Variants in KLKB1 observed in about 807,000 individuals in gnomAD.
KLKB1 encodes plasma kallikrein.
A neutral mutation model predicts 73.6 loss-of-function variants in KLKB1; 58 were observed. The ratio of observed to expected loss-of-function variants is 0.79; its 90% CI spans 0.64 to 0.98. The LOEUF (loss-of-function observed/expected upper bound fraction) is 0.98, where lower values mean the gene tolerates loss of function less well. KLKB1 is among the 50% of genes least tolerant of loss of function. KLKB1 has a pLI of 0.00. For missense variants in KLKB1, 737 were observed against 763.8 expected (o/e 0.96, Z 0.41); for synonymous variants, 280 against 258.1 (o/e 1.08, Z -0.81).
chr4:186,231,540 A>G (rs752888635), intron 2 of KLKB1, among the ~76,000 whole-genome samples: 94 of 152,268 alleles, frequency 6.2e-4, no homozygotes, highest in Non-Finnish European at 1.0e-3. Context: ...GAGATGAGGA[A>G]CAATGTTTAG....
intron 11 of KLKB1, among the ~76,000 whole-genome samples, chr4:186,253,373 G>A (rs1187032824): frequency 6.6e-6 from 1 of 152,138 alleles, no homozygotes; most frequent in Non-Finnish European, 1.5e-5. Flanking sequence ...TGGTACATGT[G>A]GGTGGAGCAA....
chr4:186,250,946 G>T, intron 7 of KLKB1: 1 of 448,562 alleles, frequency 2.2e-6, no homozygotes, highest in Non-Finnish European at 4.0e-6. Context: ...TGATTTTTTT[G>T]TTTGTTTTTC....
At chr4:186,232,400 C>T in intron 3 of KLKB1, 111 bp downstream of exon 3, 1 of 986,094 alleles carries the variant, frequency 1.0e-6, no homozygotes, top group Non-Finnish European at 1.6e-6. Context: ...GTTCAAGGAC[C>T]AGCTTCAGCA....
At chr4:186,249,924 G>A (rs1373627331) in intron 6 of KLKB1, among the ~76,000 whole-genome samples, 3 of 152,014 alleles carry the variant, frequency 2.0e-5, no homozygotes, top group Non-Finnish European at 2.9e-5. Flanking sequence ...ACATTCCTAA[G>A]GCCTCAGAGT....
chr4:186,218,499 CT>C (rs1478429174), intron 2 of KLKB1, among the ~76,000 whole-genome samples: 6 of 151,950 alleles, frequency 3.9e-5, no homozygotes, highest in East Asian at 1.9e-4. Context: ...ATTTTTCTAC[CT>C]TTTTTTATGT....
At chr4:186,214,589 C>T (rs1459047550) in intron 2 of KLKB1, among the ~76,000 whole-genome samples, 1 of 152,206 alleles carries the variant, frequency 6.6e-6, no homozygotes, top group Non-Finnish European at 1.5e-5. Context: ...GTTAAAGTTA[C>T]ACTGCATTGT....
At chr4:186,238,490 A>T in intron 6 of KLKB1, 125 bp downstream of exon 6, 3 of 743,772 alleles carry the variant, frequency 4.0e-6, no homozygotes, top group Non-Finnish European at 7.4e-6. Context: ...GTTTCTGTCA[A>T]TGGCATGCAG....
intron 5 of KLKB1, among the ~76,000 whole-genome samples, chr4:186,237,291 G>A (rs1350518731): frequency 1.3e-5 from 2 of 152,030 alleles, no homozygotes; most frequent in Admixed American, 6.6e-5. Flanking sequence ...TAGAGTCGGG[G>A]TTTTACTATG....
chr4:186,247,253 G>A lies in KLKB1; in HGVS notation c.599-2990G>A, dbSNP rs138829486. On this transcript the variant is annotated intron_variant, in intron 6 of 14. Coordinates refer to ENST00000264690, the MANE Select transcript of KLKB1 (RefSeq NM_000892.5). ...TCCATGCGAAGAGACCACCAAACAG[G>A]CTTTGTGTGAGCAAGAAAGCTTTTT... Among the ~76,000 whole-genome samples, 34 of 152,262 alleles carry A rather than the reference G, an allele frequency of 2.2e-4. No homozygotes were observed. The East Asian group carries it at 6.2e-3, about 28-fold the overall frequency.
At chr4:186,233,522 C>CT (rs1737503662) in intron 3 of KLKB1, among the ~76,000 whole-genome samples, 1 of 152,166 alleles carries the variant, frequency 6.6e-6, no homozygotes, top group African/African-American at 2.4e-5. Flanking sequence ...AGGTGGACAT[C>CT]TAAGACAGAG....
intron 2 of KLKB1, among the ~76,000 whole-genome samples, chr4:186,214,577 A>G (rs1412740699): frequency 3.9e-5 from 6 of 152,214 alleles, no homozygotes; most frequent in Non-Finnish European, 5.9e-5. Context: ...GATAGTAGGA[A>G]AGTTAAAGTT....
chr4:186,229,951 C>G (rs533776669), intron 2 of KLKB1, among the ~76,000 whole-genome samples: 1 of 150,122 alleles, frequency 6.7e-6, no homozygotes, highest in African/African-American at 2.4e-5. Flanking sequence ...TTTTTTTTTT[C>G]CAATTTGACT....
upstream of KLKB1, among the ~76,000 whole-genome samples, chr4:186,225,500 C>T (rs933161719): frequency 1.0e-4 from 15 of 147,478 alleles, no homozygotes; most frequent in South Asian, 4.3e-4. Flanking sequence ...GGCGCAATCT[C>T]GGCTCACTGC....
At chr4:186,248,028 A>T (rs4253293) in intron 6 of KLKB1, among the ~76,000 whole-genome samples, 73 of 152,214 alleles carry the variant, frequency 4.8e-4, no homozygotes, top group Middle Eastern at 3.4e-3. Context: ...CGGGCGGATC[A>T]CGGGGTCAGG....
intron 2 of KLKB1, among the ~76,000 whole-genome samples, chr4:186,219,188 C>G (rs1468751712): frequency 2.0e-5 from 3 of 152,052 alleles, no homozygotes; most frequent in Non-Finnish European, 4.4e-5. Flanking sequence ...TCAACTGACT[C>G]AAATATTAAT....
At chr4:186,229,286 C>A (rs978813482) in intron 2 of KLKB1, among the ~76,000 whole-genome samples, 1 of 152,148 alleles carries the variant, frequency 6.6e-6, no homozygotes, top group African/African-American at 2.4e-5. Context: ...AATTTAGAAA[C>A]TACATATTGC....
chr4:186,214,003 A>G (rs9637670), intron 2 of KLKB1, among the ~76,000 whole-genome samples: 150,785 of 152,286 alleles, frequency 0.99, 74,669 homozygotes, highest in East Asian at 1. Context: ...TATGTGCCAT[A>G]TTCTTAGGCA....
chr4:186,234,135 C>T, intron 4 of KLKB1, 77 bp downstream of exon 4: 1 of 1,080,254 alleles, frequency 9.3e-7, no homozygotes, highest in Non-Finnish European at 1.4e-6. Flanking sequence ...AAAGTTTGTA[C>T]TGCTACAGCT....
chr4:186,234,161 C>T, intron 4 of KLKB1, 103 bp downstream of exon 4: 1 of 850,982 alleles, frequency 1.2e-6, no homozygotes, highest in Non-Finnish European at 2.0e-6. Flanking sequence ...GAAGGCATCA[C>T]TCATAAAGAT....
Sources: allele counts gnomAD v4.1 joint callset (sites outside exome capture counted in the v4.1 genomes callset), GRCh38; gene constraint gnomAD v4.1.1; transcripts MANE v1.5; gene names NCBI Gene and HGNC (gene_info 2026-07-23, HGNC 2026-07-21).